Variants in ALG12 observed in about 807,000 individuals in gnomAD.
ALG12 encodes dol-P-Man:Man(7)GlcNAc(2)-PP-Dol alpha-1,6-mannosyltransferase.
In ALG12, 36 loss-of-function variants were observed where a neutral mutation model predicts 46.0. The ratio of observed to expected loss-of-function variants is 0.78; its 90% CI spans 0.60 to 1.03. The LOEUF (loss-of-function observed/expected upper bound fraction) is 1.03, where lower values mean the gene tolerates loss of function less well. Ranked by LOEUF, ALG12 falls within the 50% of genes least tolerant of loss-of-function variation. The pLI is 0.00. For synonymous variants in ALG12, 326 were observed against 291.6 expected, an observed-to-expected ratio of 1.12 and a Z score of -1.20; for missense variants, 599 against 633.5, an observed-to-expected ratio of 0.95 and a Z score of 0.58.
At chr22:49,912,625 C>T (rs1239919863) in intron 3 of ALG12, among the ~76,000 whole-genome samples, 1 of 152,246 alleles carries the variant, frequency 6.6e-6, no homozygotes, top group Non-Finnish European at 1.5e-5. Flanking sequence ...ACAAGCTGGA[C>T]TGACTCGCTG....
the ALG12 span, among the ~76,000 whole-genome samples, chr22:49,870,299 G>A: frequency 6.6e-6 from 1 of 152,200 alleles, no homozygotes; most frequent in Admixed American, 6.5e-5. Flanking sequence ...ATGTGTACAT[G>A]GGGTTTTTTT....
chr22:49,886,872 G>A, the ALG12 span: 4 of 1,614,010 alleles, frequency 2.5e-6, no homozygotes, highest in Non-Finnish European at 3.4e-6. This position sits in a 1 kb window ranked among gnomAD's most constrained non-coding sequence, Gnocchi z 7.7. Flanking sequence ...TTGTGGCCAA[G>A]GTGAAGAAGA....
At chr22:49,878,230 G>A in the ALG12 span, among the ~76,000 whole-genome samples, 12 of 150,192 alleles carry the variant, frequency 8.0e-5, no homozygotes, top group Non-Finnish European at 1.2e-4. Flanking sequence ...GTTTGAACCC[G>A]GGAGGCGGAG....
rs1416344418 is a variant in ALG12 at position 49,906,302 on chromosome 22, A to G, written c.992+1419T>C. Among the ~76,000 whole-genome samples the G allele has an allele frequency of 5.9e-5, 9 of 151,978 alleles. No individual in the cohort carries two copies. On this transcript the variant is annotated intron_variant, in intron 7 of 9. Coordinates refer to ENST00000330817, the MANE Select transcript of ALG12 (RefSeq NM_024105.4). The surrounding 1 kb of genome is among the most constrained non-coding windows in gnomAD (Gnocchi z 4.4). ...CCCCGTCTTTCCTACCCTCTTTTCC[A>G]TGACTCTGGCTGGGGTCTGCTCCTC...
chr22:49,904,594 C>T (rs948398191), intron 7 of ALG12, 88 bp from the exon 8 acceptor site: 1 of 1,445,652 alleles, frequency 6.9e-7, no homozygotes, highest in Admixed American at 1.9e-5. Flanking sequence ...GCATAACCTG[C>T]TGTTCAACTT....
the ALG12 span, among the ~76,000 whole-genome samples, chr22:49,874,156 A>G: frequency 1.3e-5 from 2 of 152,156 alleles, no homozygotes; most frequent in Admixed American, 6.5e-5. Flanking sequence ...GCAGACTCCC[A>G]TCCAGTGCTG....
chr22:49,898,314 T>G (rs571203120), downstream of ALG12, among the ~76,000 whole-genome samples: 4 of 152,094 alleles, frequency 2.6e-5, no homozygotes, highest in South Asian at 8.3e-4. Flanking sequence ...GACCCAGTTC[T>G]TTATCAGATA....
the ALG12 span, among the ~76,000 whole-genome samples, chr22:49,868,957 CA>C: frequency 0.88 from 115,443 of 131,760 alleles, 50,109 homozygotes; most frequent in East Asian, 0.94. Flanking sequence ...ACTAAAAATA[CA>C]AAAAAAAAAA....
At chr22:49,892,357 C>T in the ALG12 span, among the ~76,000 whole-genome samples, 1 of 152,146 alleles carries the variant, frequency 6.6e-6, no homozygotes, top group Non-Finnish European at 1.5e-5. Context: ...TAAGGCCTGA[C>T]AGAAGGTGGC....
the ALG12 span, among the ~76,000 whole-genome samples, chr22:49,893,774 A>C: frequency 6.6e-6 from 1 of 152,238 alleles, no homozygotes; most frequent in Non-Finnish European, 1.5e-5. Flanking sequence ...AGAGTTCAAA[A>C]TACAGGTAGA....
chr22:49,886,299 G>T, the ALG12 span: 1 of 1,524,262 alleles, frequency 6.6e-7, no homozygotes, highest in East Asian at 2.3e-5. This position sits in a 1 kb window ranked among gnomAD's most constrained non-coding sequence, Gnocchi z 7.7. Context: ...AGTACGCGCT[G>T]CCTCAGCATC....
Position 49,905,616 on chromosome 22 carries a change from C to T in ALG12, c.993-1110G>A, listed in dbSNP as rs1353753788. Among the ~76,000 whole-genome samples, 3 of 152,246 alleles carry T rather than the reference C, an allele frequency of 2.0e-5. No individual in the cohort carries two copies. The highest frequency in any genetic ancestry group is 7.2e-5 in the African/African-American group (3 of 41,468). ...CTTTGGCCACATAAAAGCGTGCCCG[C>T]TTCCCTCTCGCCTTCCGCCATAATG... On this transcript the variant is annotated intron_variant, in intron 7 of 9. Transcript: ENST00000330817. The surrounding 1 kb of genome is among the most constrained non-coding windows in gnomAD (Gnocchi z 4.9).
the ALG12 span, chr22:49,888,885 T>C: frequency 6.0e-6 from 1 of 167,380 alleles, no homozygotes. Flanking sequence ...GCCAGTGTCA[T>C]CCTGGTGTAG....
chr22:49,891,029 C>CAA, the ALG12 span, among the ~76,000 whole-genome samples: 16 of 119,114 alleles, frequency 1.3e-4, no homozygotes, highest in African/African-American at 1.9e-4. Flanking sequence ...GACTCCATCT[C>CAA]AAAAAAAAAA....
the ALG12 span, among the ~76,000 whole-genome samples, chr22:49,892,039 T>A: frequency 6.6e-6 from 1 of 151,860 alleles, no homozygotes; most frequent in Non-Finnish European, 1.5e-5. Flanking sequence ...ATACAAAAAA[T>A]TAGCTGGGTG....
In ALG12 at chr22:49,910,435, T is replaced by C. The variant is rs1221631800; in HGVS notation, c.468A>G (p.Val156=). The C allele has an allele frequency of 3.1e-6, 5 of 1,613,316 alleles. 1 individual carries two copies. Among genetic ancestry groups the C allele is most frequent in the Admixed American group, 3.3e-5 (2 of 60,008 alleles). ...CAGGCCCGGCCGGCAGCTACGTACC[T>C]ACAGGCAGGGCCAGCACATTGGGCA... ...RTLPNVLALP[V]VLLALAAWLR... is the part of the protein sequence containing the mutation. The change falls in exon 4 of 10, where the codon GTA becomes GTG. Residue 156 remains valine, a splice_region_variant and synonymous_variant. Transcript: ENST00000330817.
chr22:49,897,020 C>T (rs1440821981), downstream of ALG12, among the ~76,000 whole-genome samples: 1 of 152,052 alleles, frequency 6.6e-6, no homozygotes, highest in Non-Finnish European at 1.5e-5. Flanking sequence ...TCATCCTATC[C>T]TCCCTGCCAG....
At chr22:49,872,470 C>T in the ALG12 span, among the ~76,000 whole-genome samples, 2 of 152,170 alleles carry the variant, frequency 1.3e-5, no homozygotes, top group African/African-American at 4.8e-5. Context: ...GAATTAACTT[C>T]CTTCAACCCA....
At position 49,909,979 on chromosome 22, in the gene ALG12, G is replaced by A. The variant is rs996458380; in HGVS notation, c.579C>T (p.Leu193=). 4 of 1,614,030 alleles carry A rather than the reference G, an allele frequency of 2.5e-6. No individual in the cohort carries two copies. The highest frequency in any genetic ancestry group is 3.4e-6 in the Non-Finnish European group (4 of 1,179,992). Residue 193 remains leucine, a synonymous_variant, in exon 5 of 10, where the codon CTC becomes CTT. Transcript: ENST00000330817. ...GGTTGCCCAAGGCCAGCAGCAGCAGGAGGCCCAGGAACAGGCACAGCTCCA... is the reference window on the plus strand; with the variant it reads ...GGTTGCCCAAGGCCAGCAGCAGCAGAAGGCCCAGGAACAGGCACAGCTCCA... ...FRVELCLFLG[L]LLLLALGNRK...
Sources: allele counts gnomAD v4.1 joint callset (sites outside exome capture counted in the v4.1 genomes callset), GRCh38; gene constraint gnomAD v4.1.1; non-coding constraint Gnocchi (gnomAD v3.1); transcripts MANE v1.5; gene names NCBI Gene and HGNC (gene_info 2026-07-23, HGNC 2026-07-21).